The following ATRNL1 variants were observed in gnomAD, a reference collection of about 807,000 sequenced individuals.
ATRNL1 encodes the protein attractin-like protein 1.
ATRNL1 carries 95 observed loss-of-function variants against 182.7 expected under a neutral mutation model. The observed-to-expected ratio is 0.52, with a 90% confidence interval of 0.44 to 0.62. The LOEUF (loss-of-function observed/expected upper bound fraction) is 0.62, where lower values mean the gene tolerates loss of function less well. Ranked by LOEUF, ATRNL1 falls within the 20% of genes least tolerant of loss-of-function variation. The pLI is 0.00. For missense variants in ATRNL1, 1,471 were observed against 1,679.5 expected (o/e 0.88, Z 2.17); for synonymous variants, 576 against 568.3 (o/e 1.01, Z -0.19).
rs571008619 is a variant in ATRNL1 at position 115,564,445 on chromosome 10, AT to A, written c.3795+14916del. Among the ~76,000 whole-genome samples the A allele has an allele frequency of 3.5e-3, 536 of 151,680 alleles. 5 individuals carry two copies. The highest frequency in any genetic ancestry group is 0.013 in the African/African-American group (521 of 41,394). On this transcript the variant is annotated intron_variant, in intron 26 of 28. Transcript: ENST00000355044. ...CCTTGAGTAGCTAGAATTGAAGATA[AT>A]TTTTTTCTTATATCTCTTTTTAATA...
intron 19 of ATRNL1, among the ~76,000 whole-genome samples, chr10:115,345,219 T>A (rs1226397947): frequency 6.6e-6 from 1 of 152,234 alleles, no homozygotes; most frequent in African/African-American, 2.4e-5. Context: ...TCAACTTCAT[T>A]TAAAGACTCA....
At chr10:115,816,138 T>C (rs1389320562) in intron 27 of ATRNL1, among the ~76,000 whole-genome samples, 1 of 152,176 alleles carries the variant, frequency 6.6e-6, no homozygotes, top group African/African-American at 2.4e-5. Context: ...CAAGTGCAGA[T>C]GTTAATCACT....
intron 21 of ATRNL1, among the ~76,000 whole-genome samples, chr10:115,456,594 T>C (rs1427643303): frequency 6.6e-6 from 1 of 152,160 alleles, no homozygotes; most frequent in Non-Finnish European, 1.5e-5. Context: ...GTTACAAACC[T>C]GCACATTCTG....
chr10:115,105,199 C>T (rs1257134646), intron 1 of ATRNL1, among the ~76,000 whole-genome samples: 2 of 152,088 alleles, frequency 1.3e-5, no homozygotes, highest in African/African-American at 4.8e-5. Flanking sequence ...AAATATCTTT[C>T]CATTTTTTTT....
At chr10:115,223,992 G>C (rs928142255) in intron 9 of ATRNL1, among the ~76,000 whole-genome samples, 1 of 139,204 alleles carries the variant, frequency 7.2e-6, no homozygotes, top group Non-Finnish European at 1.5e-5. Flanking sequence ...CTGGAGTGCA[G>C]TGACACAATC....
chr10:115,503,128 T>A (rs1849928881), intron 24 of ATRNL1, among the ~76,000 whole-genome samples: 1 of 152,150 alleles, frequency 6.6e-6, no homozygotes, highest in Admixed American at 6.6e-5. Flanking sequence ...AACTTAATAT[T>A]ACAAGGACTT....
intron 25 of ATRNL1, among the ~76,000 whole-genome samples, chr10:115,532,041 A>G (rs1269494495): frequency 1.3e-5 from 2 of 150,862 alleles, no homozygotes; most frequent in Non-Finnish European, 3.0e-5. Context: ...GCCTTGTAGT[A>G]TAGTTTGAAG....
intron 28 of ATRNL1, among the ~76,000 whole-genome samples, chr10:115,871,550 C>A (rs1555106153): frequency 2.0e-5 from 3 of 148,478 alleles, no homozygotes; most frequent in African/African-American, 7.4e-5. Flanking sequence ...ACTGCATGAT[C>A]CAGATGAATA....
chr10:115,946,607 T>C lies in ATRNL1; in HGVS notation c.*1828T>C, dbSNP rs1555125855. On this transcript the variant is annotated 3_prime_UTR_variant, in exon 29 of 29. Coordinates refer to ENST00000355044, the MANE Select transcript of ATRNL1 (RefSeq NM_207303.4). ...TTTATCTATAATCTGTGGGGTTTTT[T>C]TGGAGGGGGAGGCCACTGGTTGTTT... The C allele has an allele frequency of 6.6e-6, 1 of 152,164 alleles. No homozygotes were observed. 9.4% of individuals were successfully genotyped at this position (152,164 alleles called of 1,614,324 possible).
intron 28 of ATRNL1, among the ~76,000 whole-genome samples, chr10:115,880,736 A>G (rs1203612106): frequency 1.3e-5 from 2 of 152,162 alleles, no homozygotes; most frequent in African/African-American, 4.8e-5. Context: ...CATTTACCTA[A>G]TCAGTATTGG....
rs71010046 is a variant in ATRNL1 at position 115,738,154 on chromosome 10, T to TTTTTTTTTTTTTTTTTTTTTTC, written c.3903+10801_3903+10802insTTTTTTTTTTTTTTTTTTTCTT. The stretch of plus-strand genomic sequence containing the variant: ...TTTTTTTTTTTTTTTTTTTTTTTTT[T>TTTTTTTTTTTTTTTTTTTTTTC]TTGAGATGGAGTCCTGCTCTGTCGC... On this transcript the variant is annotated intron_variant, in intron 27 of 28. Transcript: ENST00000355044. Among the ~76,000 whole-genome samples the TTTTTTTTTTTTTTTTTTTTTTC allele has an allele frequency of 3.2e-3, 205 of 63,906 alleles. 63 individuals are homozygous for TTTTTTTTTTTTTTTTTTTTTTC. The highest frequency in any genetic ancestry group is 5.5e-3 in the Non-Finnish European group (170 of 30,632). 41.9% of individuals were successfully genotyped at this position (63,906 alleles called of 152,430 possible). A position where few individuals can be genotyped will look rare whatever the true frequency, so the allele number is the denominator to read the frequency against.
At chr10:115,840,470 C>G (rs1445478331) in intron 27 of ATRNL1, among the ~76,000 whole-genome samples, 1 of 152,076 alleles carries the variant, frequency 6.6e-6, no homozygotes, top group Non-Finnish European at 1.5e-5. Context: ...TGCTATACTT[C>G]ATGTATATAT....
rs113127484 is a variant in ATRNL1, at chr10:115,459,945, C to T, written c.3323-1996C>T. Among the ~76,000 whole-genome samples the T allele has an allele frequency of 3.1e-3, 471 of 152,250 alleles. 4 individuals are homozygous for T. The highest frequency in any genetic ancestry group is 0.011 in the African/African-American group (454 of 41,552). On this transcript the variant is annotated intron_variant, in intron 21 of 28. Coordinates refer to ENST00000355044, the MANE Select transcript of ATRNL1 (RefSeq NM_207303.4). ...AATAGAAAAGAACCTAAGTGATTAT[C>T]GGGGCAGGTCCCCTGATAACTTTTG...
chr10:115,721,633 G>A (rs374249861), intron 26 of ATRNL1, among the ~76,000 whole-genome samples: 6 of 152,000 alleles, frequency 3.9e-5, no homozygotes, highest in Non-Finnish European at 7.4e-5. Context: ...AGAATAACAC[G>A]GGAAAGACCA....
intron 10 of ATRNL1, among the ~76,000 whole-genome samples, chr10:115,249,676 T>A (rs1850793042): frequency 2.0e-5 from 3 of 152,166 alleles, no homozygotes; most frequent in African/African-American, 7.2e-5. Flanking sequence ...TTTATTTTTT[T>A]AAGCCTGTAT....
At chr10:115,279,247 A>G (rs1381256454) in intron 13 of ATRNL1, among the ~76,000 whole-genome samples, 1 of 151,960 alleles carries the variant, frequency 6.6e-6, no homozygotes, top group African/African-American at 2.4e-5. Flanking sequence ...TTGAGAAGAT[A>G]TGGCATACTA....
intron 25 of ATRNL1, among the ~76,000 whole-genome samples, chr10:115,526,344 G>A (rs541401114): frequency 1.4e-3 from 209 of 152,254 alleles, no homozygotes; most frequent in African/African-American, 4.6e-3. Context: ...TTAAAGCTAT[G>A]AAAGAGACCC....
At chr10:115,809,781 T>G (rs1403222281) in intron 27 of ATRNL1, among the ~76,000 whole-genome samples, 2 of 152,034 alleles carry the variant, frequency 1.3e-5, no homozygotes, top group Non-Finnish European at 2.9e-5. Context: ...TGTATGCCTA[T>G]TATTTCTTTT....
chr10:115,451,211 C>G (rs568131777), intron 21 of ATRNL1, among the ~76,000 whole-genome samples: 9 of 152,022 alleles, frequency 5.9e-5, no homozygotes, highest in Non-Finnish European at 1.2e-4. Context: ...AAGGAACTGG[C>G]AAAGATTTCA....
Sources: allele counts gnomAD v4.1 joint callset (sites outside exome capture counted in the v4.1 genomes callset), GRCh38; gene constraint gnomAD v4.1.1; transcripts MANE v1.5; gene names NCBI Gene and HGNC (gene_info 2026-07-23, HGNC 2026-07-21).